The following NBPF12 variants were observed in gnomAD, a reference collection of about 807,000 sequenced individuals.
NBPF12 encodes the protein NBPF member 12.
A neutral mutation model predicts 146.4 loss-of-function variants in NBPF12; 115 were observed. The ratio of observed to expected loss-of-function variants is 0.79; its 90% confidence interval spans 0.68 to 0.92. The LOEUF is 0.92. Ranked by LOEUF, NBPF12 falls within the 40% of genes least tolerant of loss-of-function variation. NBPF12 has a pLI of 0.00. For synonymous variants in NBPF12, 385 were observed against 508.9 expected, an observed-to-expected ratio of 0.76 and a Z score of 3.28; for missense variants, 1,205 against 1,326.8, an observed-to-expected ratio of 0.91 and a Z score of 1.43.
At position 146,971,711 on chromosome 1, in the gene NBPF12, C is replaced by A. The variant is rs1332606672; in HGVS notation, c.1591+317C>A. Reference sequence around the variant, plus strand: ...AGACTTAGGTGGGAGGATCGGCTAACACGATCCTCCCACTCTCGTTCACTC... The same window carrying A: ...AGACTTAGGTGGGAGGATCGGCTAAAACGATCCTCCCACTCTCGTTCACTC... On this transcript the variant is annotated intron_variant, in intron 13 of 33. Transcript: ENST00000617844. 1.5e-3 allele frequency among the ~76,000 whole-genome samples: 229 copies of A among 150,522 alleles called. 8 individuals are homozygous for A. Among genetic ancestry groups the A allele is most frequent in the African/African-American group, 5.5e-3 (222 of 40,288 alleles).
intron 2 of NBPF12, among the ~76,000 whole-genome samples, chr1:146,955,819 C>T (rs1177287261): frequency 6.6e-6 from 1 of 151,474 alleles, no homozygotes; most frequent in Non-Finnish European, 1.5e-5. Context: ...TTTGTGGAGG[C>T]CTGGGGAGTT....
At chr1:146,992,671 A>C in intron 31 of NBPF12, 41 bp from the exon 35 acceptor site, 1 of 757,162 alleles carries the variant, frequency 1.3e-6, no homozygotes. Context: ...GTTGTGTCTG[A>C]TTTCCCCTGG....
intron 4 of NBPF12, among the ~76,000 whole-genome samples, chr1:146,961,836 A>G (rs1298458670): frequency 6.6e-6 from 1 of 151,994 alleles, no homozygotes; most frequent in Admixed American, 6.5e-5. Context: ...TTTAGAGGAG[A>G]GGCTGCAAGG....
intron 25 of NBPF12, 140 bp from the exon 29 acceptor site, chr1:146,987,814 G>T (rs1570895416): frequency 1.4e-6 from 1 of 694,622 alleles, no homozygotes; most frequent in Non-Finnish European, 2.6e-6. Context: ...CCAACATGAA[G>T]GCAATAATTT....
chr1:146,966,418 T>C, intron 8 of NBPF12, 46 bp from the exon 12 acceptor site: 2 of 1,339,356 alleles, frequency 1.5e-6, no homozygotes, highest in Non-Finnish European at 2.1e-6. Flanking sequence ...CCTACTTGAT[T>C]TCACCAGTTT....
In NBPF12 at chr1:146,990,841, G is replaced by A. The variant is rs1373720428; in HGVS notation, c.3624-272G>A. Among the ~76,000 whole-genome samples the A allele has an allele frequency of 3.2e-4, 27 of 84,862 alleles. 6 individuals carry two copies. Among genetic ancestry groups the A allele is most frequent in the Non-Finnish European group, 5.6e-4 (26 of 46,506 alleles). The allele number at this position is 84,862 out of a possible 152,430, so 55.7% of individuals were successfully genotyped here. A position where few individuals can be genotyped will look rare whatever the true frequency, so the allele number is the denominator to read the frequency against. ...TGTGTCCCGAGGGCACTAAATCAGA[G>A]TGTCCTTTGAACCCTTCATCAGTGT... On this transcript the variant is annotated intron_variant, in intron 29 of 33. Coordinates refer to ENST00000617844, the Ensembl canonical transcript of NBPF12.
At chr1:146,969,514 C>A in exon 11 of NBPF12, 5 of 1,275,308 alleles carry the variant, frequency 3.9e-6, no homozygotes, top group South Asian at 1.2e-5. Flanking sequence ...ATGAGCCGGA[C>A]AAGTCCCAGG....
At chr1:146,949,897 T>G (rs1478532391) in intron 1 of NBPF12, among the ~76,000 whole-genome samples, 1 of 151,844 alleles carries the variant, frequency 6.6e-6, no homozygotes, top group Non-Finnish European at 1.5e-5. Flanking sequence ...GCTCCCACCT[T>G]CTCTGACTTC....
chr1:146,964,037 T>G (rs1488313430), intron 6 of NBPF12, among the ~76,000 whole-genome samples: 6 of 130,240 alleles, frequency 4.6e-5, no homozygotes, highest in South Asian at 3.1e-4. Context: ...CCAAGCCTGT[T>G]CCTGGGAATC....
chr1:146,966,046 G>T (rs1232278164), intron 8 of NBPF12, among the ~76,000 whole-genome samples: 1 of 151,818 alleles, frequency 6.6e-6, no homozygotes, highest in African/African-American at 2.4e-5. Flanking sequence ...GGCAGAGGTG[G>T]CAGTGAGCTG....
At chr1:146,976,805 A>C (rs1268257975) in intron 16 of NBPF12, 124 bp from the exon 20 acceptor site, 1 of 567,754 alleles carries the variant, frequency 1.8e-6, no homozygotes, top group East Asian at 3.0e-5. Flanking sequence ...AAGATAAAAC[A>C]TGAGAGTTTT....
intron 2 of NBPF12, among the ~76,000 whole-genome samples, chr1:146,953,956 TGA>T (rs1407778418): frequency 6.6e-6 from 1 of 150,602 alleles, no homozygotes; most frequent in East Asian, 2.0e-4. Flanking sequence ...AACTAATCAG[TGA>T]GTTTGGTAGT....
chr1:146,962,171 G>T (rs1245224405), exon 5 of NBPF12: 3 of 1,608,676 alleles, frequency 1.9e-6, no homozygotes, highest in African/African-American at 1.3e-5. Context: ...AGTATGAAGA[G>T]TGTAAAGACC....
At chr1:146,949,104 A>G (rs1553883641), upstream of NBPF12, among the ~76,000 whole-genome samples, 123 of 152,286 alleles carry the variant, frequency 8.1e-4, 1 homozygote, top group East Asian at 0.022. Context: ...ATAATGATCA[A>G]TAAATACTAA....
chr1:146,984,327 C>A (rs1657579238), intron 21 of NBPF12, 142 bp downstream of exon 24: 11 of 683,532 alleles, frequency 1.6e-5, no homozygotes, highest in Non-Finnish European at 2.9e-5. Flanking sequence ...TTTTTTGGTT[C>A]TCATTAGAGT....
chr1:146,991,619 G>T (rs1422952808), intron 30 of NBPF12, among the ~76,000 whole-genome samples: 1 of 151,580 alleles, frequency 6.6e-6, no homozygotes, highest in Non-Finnish European at 1.5e-5. Context: ...TAATTTCAGT[G>T]TCTAAAATTC....
intron 26 of NBPF12, 53 bp downstream of exon 29, chr1:146,988,179 G>C: frequency 2.3e-6 from 1 of 433,536 alleles, no homozygotes; most frequent in Non-Finnish European, 3.8e-6. Flanking sequence ...TCCATATAAA[G>C]ATCATATTCC....
chr1:146,972,763 C>A (rs1656739312), exon 14 of NBPF12: 7 of 1,245,952 alleles, frequency 5.6e-6, no homozygotes, highest in Non-Finnish European at 8.3e-6. Context: ...CCTGGCCCCA[C>A]CTCTTCTGCC....
At position 146,994,534 on chromosome 1, in the gene NBPF12, C is replaced by T. The variant is rs200424287; in HGVS notation, c.4333C>T (p.Leu1445Phe). 3.2e-5 allele frequency: 51 copies of T among 1,609,654 alleles called. 1 individual carries two copies. The African/African-American group carries it at 5.6e-4, about 18-fold the overall frequency. ...CTTTTTTACTTTGACGGTGACAAGT[C>T]TCCACCTGGTCTTCCAGATGGGAGT... The change falls in exon 34 of 34, where the codon CTC becomes TTC. Residue 1445 changes from leucine (L) to phenylalanine (F), a missense_variant. This residue lies in a region of NBPF12 where 210 missense variants were observed against 94.4 expected (regional missense o/e 2.22). Transcript: ENST00000617844.
Sources: allele counts gnomAD v4.1 joint callset (sites outside exome capture counted in the v4.1 genomes callset), GRCh38; gene constraint gnomAD v4.1.1; regional missense constraint gnomAD v4.1.1; transcripts MANE v1.5; gene names NCBI Gene and HGNC (gene_info 2026-07-23, HGNC 2026-07-21).